The following GPC5 variants were observed in gnomAD, a reference collection of about 807,000 sequenced individuals.
GPC5 encodes glypican-5.
In GPC5, 47 loss-of-function variants were observed where a neutral mutation model predicts 53.9. The ratio of observed to expected loss-of-function variants is 0.87; its 90% CI spans 0.69 to 1.11. The LOEUF is 1.11. GPC5 is among the 50% of genes most tolerant of loss of function. The probability of loss-of-function intolerance (pLI) is 0.00; values close to 1 mark genes in which losing one functional copy is unlikely to be tolerated. For missense variants in GPC5, 748 were observed against 713.1 expected, an observed-to-expected ratio of 1.05 and a Z score of -0.56; for synonymous variants, 286 against 263.3, an observed-to-expected ratio of 1.09 and a Z score of -0.84.
At chr13:91,907,503 T>TTATATATATATATATATATATATA (rs369447673) in intron 5 of GPC5, among the ~76,000 whole-genome samples, 5 of 129,542 alleles carry the variant, frequency 3.9e-5, no homozygotes, top group African/African-American at 1.5e-4. Flanking sequence ...CTCTCTCTCT[T>TTATATATATATATATATATATATA]TATATATATA....
intron 7 of GPC5, among the ~76,000 whole-genome samples, chr13:92,785,872 T>A (rs1209250317): frequency 6.6e-6 from 1 of 152,224 alleles, no homozygotes; most frequent in Non-Finnish European, 1.5e-5. Context: ...GCCTGCCTTA[T>A]GGGATTGTTG....
chr13:92,584,737 G>T (rs1883482008), intron 7 of GPC5, among the ~76,000 whole-genome samples: 1 of 152,114 alleles, frequency 6.6e-6, no homozygotes, highest in African/African-American at 2.4e-5. Context: ...AGGCATAGGA[G>T]AAAATGGTTT....
intron 5 of GPC5, among the ~76,000 whole-genome samples, chr13:91,794,026 T>C (rs2038010464): frequency 6.6e-6 from 1 of 152,196 alleles, no homozygotes; most frequent in African/African-American, 2.4e-5. Context: ...GTCTGGTACC[T>C]TGAGTTGGAA....
intron 7 of GPC5, among the ~76,000 whole-genome samples, chr13:92,543,335 A>G (rs1432164987): frequency 1.3e-5 from 2 of 151,984 alleles, no homozygotes; most frequent in Non-Finnish European, 2.9e-5. Context: ...TAAATTTCTC[A>G]TTCAGATCAT....
chr13:92,439,220 G>A (rs9523672), intron 7 of GPC5, among the ~76,000 whole-genome samples: 5,006 of 152,198 alleles, frequency 0.033, 97 homozygotes, highest in Non-Finnish European at 0.035. Flanking sequence ...ATATCTAGAG[G>A]AAGAACCAGG....
At chr13:91,998,349 A>G (rs1052351418) in intron 6 of GPC5, among the ~76,000 whole-genome samples, 1 of 152,196 alleles carries the variant, frequency 6.6e-6, no homozygotes, top group African/African-American at 2.4e-5. Context: ...TGGCATTTCT[A>G]TGTAACTTTC....
At chr13:91,640,117 A>G (rs767710295) in intron 2 of GPC5, among the ~76,000 whole-genome samples, 25 of 152,134 alleles carry the variant, frequency 1.6e-4, no homozygotes, top group Non-Finnish European at 3.4e-4. Context: ...ATTTTTTTCT[A>G]AGTATTTATA....
intron 7 of GPC5, among the ~76,000 whole-genome samples, chr13:92,613,283 A>G (rs186875040): frequency 0.023 from 2,743 of 121,296 alleles, 131 homozygotes; most frequent in African/African-American, 0.084. Flanking sequence ...TATATAATAT[A>G]TATTTTATAT....
intron 7 of GPC5, among the ~76,000 whole-genome samples, chr13:92,153,709 C>G (rs1406020807): frequency 6.6e-6 from 1 of 152,174 alleles, no homozygotes; most frequent in Non-Finnish European, 1.5e-5. Context: ...AGCAATTGTA[C>G]CAATTCATAT....
At chr13:92,608,553 A>G (rs1334643293) in intron 7 of GPC5, among the ~76,000 whole-genome samples, 6 of 152,200 alleles carry the variant, frequency 3.9e-5, no homozygotes, top group African/African-American at 1.4e-4. Context: ...GAAAATTTGT[A>G]ATATAAATGC....
chr13:92,756,919 T>G (rs1161263382), intron 7 of GPC5, among the ~76,000 whole-genome samples: 7 of 151,448 alleles, frequency 4.6e-5, no homozygotes, highest in Non-Finnish European at 7.4e-5. Context: ...AGGTAATTTA[T>G]AGATTCAATG....
At chr13:92,453,525 G>C (rs1166789795) in intron 7 of GPC5, among the ~76,000 whole-genome samples, 2 of 152,108 alleles carry the variant, frequency 1.3e-5, no homozygotes, top group African/African-American at 4.8e-5. Context: ...GAGAGAAAGT[G>C]AAACCATATA....
At chr13:92,095,426 C>A (rs2041414234) in intron 6 of GPC5, among the ~76,000 whole-genome samples, 1 of 152,164 alleles carries the variant, frequency 6.6e-6, no homozygotes, top group Non-Finnish European at 1.5e-5. Flanking sequence ...TGGCTCACTG[C>A]AACCTCCGCC....
chr13:92,133,208 A>G (rs2041758589), intron 6 of GPC5, among the ~76,000 whole-genome samples: 1 of 152,170 alleles, frequency 6.6e-6, no homozygotes, highest in African/African-American at 2.4e-5. Flanking sequence ...AATTTGGCAT[A>G]TCTTTGTCTA....
At chr13:92,327,578 C>T (rs1005474687) in intron 7 of GPC5, among the ~76,000 whole-genome samples, 2 of 152,114 alleles carry the variant, frequency 1.3e-5, no homozygotes, top group African/African-American at 4.8e-5. Context: ...TTCATTTCTG[C>T]AGTAGCTAAC....
chr13:91,439,778 C>A (rs1284628547), intron 1 of GPC5, among the ~76,000 whole-genome samples: 1 of 152,206 alleles, frequency 6.6e-6, no homozygotes, highest in Non-Finnish European at 1.5e-5. Flanking sequence ...ATATATCTAA[C>A]TTGCCCCCTT....
rs12853588 is a variant in GPC5, at chr13:92,428,435, G to A, written c.1561+283446G>A. 5.2e-3 allele frequency among the ~76,000 whole-genome samples: 791 copies of A among 152,094 alleles called. 12 individuals are homozygous for A. The highest frequency in any genetic ancestry group is 0.027 in the Middle Eastern group (8 of 294). On this transcript the variant is annotated intron_variant, in intron 7 of 7. Transcript: ENST00000377067. ...ACCCATAAATCCTCATCATCCAGAC[G>A]CCAGCTTGCCTCCGATTGGTCCATA...
intron 7 of GPC5, among the ~76,000 whole-genome samples, chr13:92,498,241 T>C (rs1309588158): frequency 6.6e-6 from 1 of 151,986 alleles, no homozygotes; most frequent in Admixed American, 6.6e-5. Context: ...TGGGGTCTTG[T>C]GTTATTTCTC....
chr13:91,630,365 T>C (rs961119928), intron 2 of GPC5, among the ~76,000 whole-genome samples: 4 of 152,116 alleles, frequency 2.6e-5, no homozygotes, highest in Non-Finnish European at 5.9e-5. Flanking sequence ...GAGAACAGAA[T>C]CAGGGCTCGA....
Sources: gnomAD v4.1 joint callset for allele counts (sites outside exome capture counted in the v4.1 genomes callset) on GRCh38, gnomAD v4.1.1 for gene constraint, MANE v1.5 for transcripts, NCBI Gene and HGNC (gene_info 2026-07-23, HGNC 2026-07-21) for gene names.